Variants in XKR4 observed in about 807,000 individuals in gnomAD.
The protein encoded by XKR4 is XK-related protein 4.
XKR4 carries 12 observed loss-of-function variants against 53.9 expected under a neutral mutation model. That is an observed-to-expected ratio of 0.22 (90% confidence interval 0.14 to 0.36). The LOEUF (loss-of-function observed/expected upper bound fraction) is 0.36, where lower values mean the gene tolerates loss of function less well. Among genes scored for constraint, XKR4 ranks in the 10% least tolerant of loss-of-function variants. The probability of loss-of-function intolerance (pLI) is 1.00; values close to 1 mark genes in which losing one functional copy is unlikely to be tolerated. For missense variants in XKR4, 799 were observed against 859.5 expected, an observed-to-expected ratio of 0.93 and a Z score of 0.88; for synonymous variants, 354 against 362.4, an observed-to-expected ratio of 0.98 and a Z score of 0.26.
intron 1 of XKR4, among the ~76,000 whole-genome samples, chr8:55,139,607 C>T (rs1477493940): frequency 6.6e-6 from 1 of 150,970 alleles, no homozygotes; most frequent in Non-Finnish European, 1.5e-5. Flanking sequence ...TCCTTGACAT[C>T]AATGCCGTAT....
intron 1 of XKR4, among the ~76,000 whole-genome samples, chr8:55,197,537 T>A (rs1281939706): frequency 6.7e-6 from 1 of 149,490 alleles, no homozygotes; most frequent in African/African-American, 2.5e-5. Context: ...AGCGCTGGGT[T>A]CAGCTAAATT....
intron 2 of XKR4, among the ~76,000 whole-genome samples, chr8:55,518,177 G>A (rs952487745): frequency 6.6e-6 from 1 of 152,168 alleles, no homozygotes; most frequent in Non-Finnish European, 1.5e-5. Context: ...GGATTTCCAC[G>A]AATTCTTGTT....
At position 55,535,859 on chromosome 8, in the gene XKR4, G is replaced by A. The variant is rs1191154170; in HGVS notation, c.*11632G>A. 6.6e-6 allele frequency: 1 copy of A among 152,238 alleles called. No homozygotes were observed. Among genetic ancestry groups the A allele is most frequent in the Non-Finnish European group, 1.5e-5 (1 of 68,066 alleles). The allele number at this position is 152,238 out of a possible 1,614,324, so 9.4% of individuals were successfully genotyped here. A position where few individuals can be genotyped will look rare whatever the true frequency, so the allele number is the denominator to read the frequency against. On this transcript the variant is annotated 3_prime_UTR_variant, in exon 3 of 3. Coordinates refer to ENST00000327381, the MANE Select transcript of XKR4 (RefSeq NM_052898.2). ...ATGTCTAAGAGTGACTCTGTCATTA[G>A]GGGAACCCACCCCCTGTGATAGTTC...
At chr8:55,450,232 C>G (rs1805415629) in intron 2 of XKR4, 1 of 640,616 alleles carries the variant, frequency 1.6e-6, no homozygotes, top group Non-Finnish European at 2.8e-6. Context: ...GGGAGCGCCT[C>G]CGTCAAACCG....
intron 2 of XKR4, among the ~76,000 whole-genome samples, chr8:55,509,622 C>A (rs987547189): frequency 6.6e-6 from 1 of 152,156 alleles, no homozygotes; most frequent in African/African-American, 2.4e-5. Context: ...AAGTAATTTA[C>A]ATTAGCTGGT....
intron 1 of XKR4, among the ~76,000 whole-genome samples, chr8:55,145,312 C>T (rs1299480924): frequency 6.6e-6 from 1 of 152,140 alleles, no homozygotes; most frequent in African/African-American, 2.4e-5. Context: ...GCTCCTCTGA[C>T]ATTCTACTCC....
chr8:55,418,193 A>G (rs1461013239), intron 2 of XKR4, among the ~76,000 whole-genome samples: 1 of 152,110 alleles, frequency 6.6e-6, no homozygotes, highest in African/African-American at 2.4e-5. Flanking sequence ...TGGCCATTGG[A>G]TTAGACACAG....
chr8:55,463,082 T>C (rs376969846), intron 2 of XKR4, among the ~76,000 whole-genome samples: 1 of 151,956 alleles, frequency 6.6e-6, no homozygotes, highest in Non-Finnish European at 1.5e-5. Flanking sequence ...AGAAAGTTAA[T>C]GAGGATATCC....
Position 55,361,588 on chromosome 8 carries a change from C to T in XKR4, c.1006+3711C>T, listed in dbSNP as rs954547765. Among the ~76,000 whole-genome samples, 7 of 152,050 alleles carry T rather than the reference C, an allele frequency of 4.6e-5. No homozygotes were observed. The East Asian group carries it at 7.7e-4, about 17-fold the overall frequency. On this transcript the variant is annotated intron_variant, in intron 2 of 2. Coordinates refer to ENST00000327381, the MANE Select transcript of XKR4 (RefSeq NM_052898.2). ...GATAGCCCACAGCTTCATCCTCACC[C>T]GTGCCCTCTTCCTTCCCTTCTCCTT...
At chr8:55,270,006 T>G (rs1210507445) in intron 1 of XKR4, among the ~76,000 whole-genome samples, 2 of 152,218 alleles carry the variant, frequency 1.3e-5, no homozygotes, top group African/African-American at 4.8e-5. Context: ...TTGGCATTGC[T>G]GTCAAAATCC....
intron 2 of XKR4, among the ~76,000 whole-genome samples, chr8:55,509,113 A>T (rs1806585250): frequency 2.0e-5 from 3 of 152,192 alleles, no homozygotes. Context: ...ATCATTTTTC[A>T]GTCTTCTAGA....
intron 1 of XKR4, among the ~76,000 whole-genome samples, chr8:55,209,460 A>G (rs1238816397): frequency 6.6e-6 from 1 of 152,146 alleles, no homozygotes; most frequent in African/African-American, 2.4e-5. Context: ...GCTTAATTCC[A>G]CGCTGTGCAT....
At chr8:55,394,492 A>G (rs1804487853) in intron 2 of XKR4, among the ~76,000 whole-genome samples, 2 of 152,274 alleles carry the variant, frequency 1.3e-5, no homozygotes, top group Admixed American at 6.5e-5. Flanking sequence ...ATATTTAATA[A>G]GACATGGTTT....
At chr8:55,165,008 TC>T in intron 1 of XKR4, among the ~76,000 whole-genome samples, 1 of 152,232 alleles carries the variant, frequency 6.6e-6, no homozygotes, top group South Asian at 2.1e-4. Flanking sequence ...AAAGGCGAAA[TC>T]TACAAAATTA....
At chr8:55,346,605 T>C (rs939247565) in intron 1 of XKR4, among the ~76,000 whole-genome samples, 8 of 152,244 alleles carry the variant, frequency 5.3e-5, no homozygotes, top group African/African-American at 1.7e-4. Context: ...TGAGTGTCCT[T>C]GTTGCTTAGC....
intron 1 of XKR4, among the ~76,000 whole-genome samples, chr8:55,224,658 C>A (rs886689700): frequency 1.3e-5 from 2 of 152,122 alleles, no homozygotes; most frequent in African/African-American, 4.8e-5. Flanking sequence ...CTGGGTTAAA[C>A]AAATTTGGCA....
Position 55,141,671 on chromosome 8 carries a change from C to CTG in XKR4, c.806+38395_806+38396dup, listed in dbSNP as rs370296200. Among the ~76,000 whole-genome samples the CTG allele has an allele frequency of 2.6e-3, 354 of 135,176 alleles. 2 individuals carry two copies. Among genetic ancestry groups the CTG allele is most frequent in the Middle Eastern group, 7.8e-3 (2 of 258 alleles). The allele number at this position is 135,176 out of a possible 152,430, so 88.7% of individuals were successfully genotyped here. A position where few individuals can be genotyped will look rare whatever the true frequency, so the allele number is the denominator to read the frequency against. ...TCTCTCTCTCTCTCTCTCTCTCTCT[C>CTG]TGTGTGTGTGTGTGTGTGTCTCTCT... is the stretch of plus-strand genomic sequence containing the variant. On this transcript the variant is annotated intron_variant, in intron 1 of 2. Transcript: ENST00000327381.
chr8:55,507,225 C>G (rs1046465272), intron 2 of XKR4, among the ~76,000 whole-genome samples: 2 of 152,130 alleles, frequency 1.3e-5, no homozygotes, highest in Non-Finnish European at 2.9e-5. Context: ...CATGTATAAA[C>G]CCAGAGTTTT....
intron 2 of XKR4, among the ~76,000 whole-genome samples, chr8:55,506,280 T>C (rs1806525685): frequency 6.6e-6 from 1 of 152,314 alleles, no homozygotes. Flanking sequence ...CAGTCTGGCA[T>C]CTCTACTAAC....
Sources: gnomAD v4.1 joint callset for allele counts (sites outside exome capture counted in the v4.1 genomes callset) on GRCh38, gnomAD v4.1.1 for gene constraint, MANE v1.5 for transcripts, NCBI Gene and HGNC (gene_info 2026-07-23, HGNC 2026-07-21) for gene names.